The following SPMAP2 variants were observed in gnomAD, a reference collection of about 807,000 sequenced individuals.
SPMAP2 encodes the protein sperm microtubule associated protein 2.
the SPMAP2 span, chr19:375,830 G>A: frequency 1.2e-6 from 2 of 1,605,822 alleles, no homozygotes; most frequent in African/African-American, 1.3e-5. Context: ...CCAGGTCCTG[G>A]CGTTCGGGGT....
At chr19:374,452 C>T in the SPMAP2 span, 2 of 1,613,716 alleles carry the variant, frequency 1.2e-6, no homozygotes, top group Non-Finnish European at 1.7e-6. Context: ...GAAGTTGGAG[C>T]TGCTTTCCCG....
the SPMAP2 span, chr19:372,520 G>C: frequency 9.0e-7 from 1 of 1,110,640 alleles, no homozygotes; most frequent in Non-Finnish European, 1.3e-6. Flanking sequence ...AACACCAGCT[G>C]TCTAGGGCTA....
At chr19:372,329 T>C in the SPMAP2 span, among the ~76,000 whole-genome samples, 352 of 152,370 alleles carry the variant, frequency 2.3e-3, 5 homozygotes, top group East Asian at 2.5e-3. Flanking sequence ...ACAGTCACAA[T>C]GGTGATAACA....
the SPMAP2 span, among the ~76,000 whole-genome samples, chr19:364,639 C>G: frequency 6.6e-6 from 1 of 152,174 alleles, no homozygotes; most frequent in Non-Finnish European, 1.5e-5. Context: ...TCTCCACCTG[C>G]TCATGTCATG....
chr19:373,582 G>C, the SPMAP2 span: 4 of 1,579,842 alleles, frequency 2.5e-6, no homozygotes, highest in Non-Finnish European at 3.5e-6. Flanking sequence ...CCCTGGCCCT[G>C]CCCGGAAACA....
chr19:362,279 C>G, the SPMAP2 span: 1 of 1,599,932 alleles, frequency 6.3e-7, no homozygotes, highest in Non-Finnish European at 8.5e-7. Flanking sequence ...GAGGGGACGC[C>G]TGTCGTATCC....
At chr19:364,607 A>G in the SPMAP2 span, among the ~76,000 whole-genome samples, 1 of 151,904 alleles carries the variant, frequency 6.6e-6, no homozygotes, top group African/African-American at 2.4e-5. Context: ...CTGCCAACAC[A>G]GGTGACCCTG....
chr19:363,671 C>A, the SPMAP2 span, among the ~76,000 whole-genome samples: 1 of 151,466 alleles, frequency 6.6e-6, no homozygotes, highest in African/African-American at 2.4e-5. Flanking sequence ...GTAGCTGGGG[C>A]TACAGGCGCC....
chr19:373,654 A>AG, the SPMAP2 span: 14 of 818,730 alleles, frequency 1.7e-5, no homozygotes, highest in Admixed American at 1.6e-4. Context: ...GAGAGGGGGT[A>AG]GGCCAGAGAA....
chr19:369,146 C>A, the SPMAP2 span, among the ~76,000 whole-genome samples: 9 of 152,162 alleles, frequency 5.9e-5, no homozygotes, highest in Non-Finnish European at 1.0e-4. Flanking sequence ...TAACTTTAAA[C>A]CCCACTTTAA....
chr19:364,159 C>T, the SPMAP2 span, among the ~76,000 whole-genome samples: 2 of 149,306 alleles, frequency 1.3e-5, no homozygotes, highest in South Asian at 2.1e-4. Context: ...CGGTGAAATC[C>T]CATCTCTACT....
At chr19:369,738 T>TGGGATA in the SPMAP2 span, among the ~76,000 whole-genome samples, 2 of 152,164 alleles carry the variant, frequency 1.3e-5, no homozygotes, top group African/African-American at 4.8e-5. Context: ...TTATAGGTTT[T>TGGGATA]GGGATAGGTG....
chr19:371,464 C>T, the SPMAP2 span: 1 of 460,040 alleles, frequency 2.2e-6, no homozygotes, highest in East Asian at 3.3e-5. Context: ...TTCCCAGCTC[C>T]TCCTCTGTTT....
At chr19:364,285 T>G in the SPMAP2 span, among the ~76,000 whole-genome samples, 85 of 137,016 alleles carry the variant, frequency 6.2e-4, no homozygotes, top group African/African-American at 2.1e-3. Context: ...TGCAGTGAGC[T>G]GAGATCGCGC....
the SPMAP2 span, chr19:362,028 G>A: frequency 8.5e-5 from 39 of 456,662 alleles, no homozygotes; most frequent in East Asian, 8.4e-4. Context: ...AAAGTGACTC[G>A]GAAAATAAAC....
At chr19:366,288 C>A in the SPMAP2 span, among the ~76,000 whole-genome samples, 3,739 of 152,146 alleles carry the variant, frequency 0.025, 136 homozygotes, top group African/African-American at 0.085. Context: ...ATGGATGTAT[C>A]CATGCATGTG....
the SPMAP2 span, chr19:374,468 A>G: frequency 3.1e-6 from 5 of 1,612,218 alleles, no homozygotes; most frequent in Non-Finnish European, 4.2e-6. Flanking sequence ...TCCCGCCCCG[A>G]TGCGTTTGGG....
At chr19:374,258 C>A in the SPMAP2 span, 1 of 1,607,086 alleles carries the variant, frequency 6.2e-7, no homozygotes, top group Non-Finnish European at 8.5e-7. Flanking sequence ...AGAAAGCCGC[C>A]CACGCTGCCC....
chr19:368,808 C>T, the SPMAP2 span, among the ~76,000 whole-genome samples: 6 of 152,232 alleles, frequency 3.9e-5, no homozygotes, highest in Non-Finnish European at 7.3e-5. This position sits in a 1 kb window ranked among gnomAD's most constrained non-coding sequence, Gnocchi z 4.1. Flanking sequence ...CCCTGGCTCC[C>T]TCCAGCCTCC....
Sources: allele counts gnomAD v4.1 joint callset (sites outside exome capture counted in the v4.1 genomes callset), GRCh38; gene constraint gnomAD v4.1.1; non-coding constraint Gnocchi (gnomAD v3.1); transcripts MANE v1.5; gene names NCBI Gene and HGNC (gene_info 2026-07-23, HGNC 2026-07-21).